The following DGLUCY variants were observed in gnomAD, a reference collection of about 807,000 sequenced individuals.
The protein encoded by DGLUCY is D-glutamate cyclase, also known as D-glutamate cyclase, mitochondrial.
DGLUCY carries 58 observed loss-of-function variants against 58.5 expected under a neutral mutation model. The observed-to-expected ratio is 0.99, with a 90% CI of 0.80 to 1.23. DGLUCY has a LOEUF of 1.23. Ranked by LOEUF, DGLUCY falls within the 50% of genes most tolerant of loss-of-function variation. DGLUCY has a pLI of 0.00. For synonymous variants in DGLUCY, 325 were observed against 314.1 expected (o/e 1.03, Z -0.37); for missense variants, 779 against 784.7 (o/e 0.99, Z 0.09).
At chr14:91,159,033 G>T (rs542020956) in intron 2 of DGLUCY, 1 of 139,306 alleles carries the variant, frequency 7.2e-6, no homozygotes, top group South Asian at 2.3e-4. Flanking sequence ...TTTTTGCCAT[G>T]TTGCCTGGGC....
chr14:91,182,849 A>G (rs1251934568), intron 8 of DGLUCY, among the ~76,000 whole-genome samples: 2 of 151,916 alleles, frequency 1.3e-5, no homozygotes, highest in South Asian at 2.1e-4. Context: ...CCTTCTGTAC[A>G]TGGGAGAGGG....
intron 1 of DGLUCY, among the ~76,000 whole-genome samples, chr14:91,072,437 A>G (rs1025587086): frequency 6.6e-6 from 1 of 152,116 alleles, no homozygotes; most frequent in African/African-American, 2.4e-5. Context: ...TATTTTAGGA[A>G]TTTTTGTGGT....
chr14:91,198,713 G>A (rs112581762), intron 10 of DGLUCY, among the ~76,000 whole-genome samples: 3 of 152,238 alleles, frequency 2.0e-5, no homozygotes, highest in Admixed American at 6.5e-5. Context: ...AATAATCACT[G>A]TAACCAACAC....
intron 1 of DGLUCY, among the ~76,000 whole-genome samples, chr14:91,065,406 T>C (rs2043803877): frequency 6.6e-6 from 1 of 152,162 alleles, no homozygotes; most frequent in South Asian, 2.1e-4. Context: ...GATAAGCTGC[T>C]AGCCTGGAAG....
At chr14:91,131,199 C>G (rs77206258) in intron 1 of DGLUCY, among the ~76,000 whole-genome samples, 2 of 152,166 alleles carry the variant, frequency 1.3e-5, no homozygotes, top group Non-Finnish European at 2.9e-5. Flanking sequence ...ATCTTCCTGT[C>G]TTGGCCTTCC....
chr14:91,200,088 G>A (rs1280031450), intron 11 of DGLUCY, among the ~76,000 whole-genome samples, 183 bp downstream of exon 11: 1 of 152,090 alleles, frequency 6.6e-6, no homozygotes, highest in African/African-American at 2.4e-5. Flanking sequence ...CCAAGTAGCT[G>A]GAATTACAGG....
intron 1 of DGLUCY, among the ~76,000 whole-genome samples, chr14:91,086,322 A>AC (rs2044219068): frequency 6.6e-6 from 1 of 151,840 alleles, no homozygotes; most frequent in Non-Finnish European, 1.5e-5. Context: ...ACCATCCCCG[A>AC]CCCCCTGCCT....
intron 1 of DGLUCY, among the ~76,000 whole-genome samples, chr14:91,142,244 G>A (rs2401980): frequency 0.12 from 17,608 of 152,124 alleles, 1,074 homozygotes; most frequent in Admixed American, 0.14. Context: ...GGTCTGAATT[G>A]CTACCCAAGG....
chr14:91,086,898 C>T (rs947504576), intron 1 of DGLUCY, among the ~76,000 whole-genome samples: 20 of 152,098 alleles, frequency 1.3e-4, no homozygotes, highest in African/African-American at 3.6e-4. Flanking sequence ...ACCACAGGTG[C>T]GCACCACCAC....
chr14:91,173,183 ACTC>A (rs1566982477), intron 5 of DGLUCY, 103 bp from the exon 6 acceptor site: 5 of 731,782 alleles, frequency 6.8e-6, no homozygotes, highest in African/African-American at 3.6e-5. Context: ...TATAACAGCT[ACTC>A]CTCCTTCATT....
intron 1 of DGLUCY, among the ~76,000 whole-genome samples, chr14:91,102,743 A>ACGTGTGTGTG (rs778918997): frequency 4.6e-5 from 6 of 130,586 alleles, no homozygotes; most frequent in Non-Finnish European, 8.1e-5. Context: ...TCCAGTGTGT[A>ACGTGTGTGTG]TGTGTGTGTG....
At chr14:91,134,908 C>T (rs188930304) in intron 1 of DGLUCY, among the ~76,000 whole-genome samples, 203 of 151,990 alleles carry the variant, frequency 1.3e-3, no homozygotes, top group African/African-American at 4.5e-3. Context: ...TTTCTTCCTT[C>T]CCAAGCCTTT....
intron 1 of DGLUCY, among the ~76,000 whole-genome samples, chr14:91,067,524 C>G (rs1595601853): frequency 2.0e-5 from 3 of 151,870 alleles, no homozygotes; most frequent in Admixed American, 6.6e-5. Context: ...TTCAAAAAGT[C>G]AAAAACTACA....
intron 1 of DGLUCY, among the ~76,000 whole-genome samples, chr14:91,078,874 A>ATTTT (rs200014801): frequency 2.2e-4 from 18 of 82,904 alleles, no homozygotes; most frequent in Admixed American, 5.7e-4. Flanking sequence ...TTTATTTTTA[A>ATTTT]TTTTTATTTA....
At chr14:91,111,464 G>A (rs949460593), upstream of DGLUCY, among the ~76,000 whole-genome samples, 3 of 151,970 alleles carry the variant, frequency 2.0e-5, no homozygotes, top group Non-Finnish European at 2.9e-5. Context: ...TGTATTTTTA[G>A]TAGAGACCTG....
chr14:91,075,311 T>C (rs1462084573), intron 1 of DGLUCY, among the ~76,000 whole-genome samples: 1 of 152,106 alleles, frequency 6.6e-6, no homozygotes, highest in Non-Finnish European at 1.5e-5. Context: ...GCCAATTGTC[T>C]TTTGTATTTA....
intron 1 of DGLUCY, chr14:91,128,712 T>C (rs940203548): frequency 2.0e-5 from 3 of 151,984 alleles, no homozygotes; most frequent in Admixed American, 6.6e-5. Flanking sequence ...CTGATTTTCA[T>C]GGAGCTCTAG....
At chr14:91,068,200 A>T (rs949013305) in intron 1 of DGLUCY, among the ~76,000 whole-genome samples, 4 of 152,140 alleles carry the variant, frequency 2.6e-5, no homozygotes, top group African/African-American at 9.7e-5. Context: ...GATGCACCAG[A>T]TACTACCTTT....
intron 1 of DGLUCY, chr14:91,091,135 C>G (rs902853554): frequency 2.6e-5 from 4 of 152,054 alleles, no homozygotes; most frequent in African/African-American, 7.2e-5. Flanking sequence ...ACTGAAAAGC[C>G]CCAAATAAAA....
Sources: gnomAD v4.1 joint callset for allele counts (sites outside exome capture counted in the v4.1 genomes callset) on GRCh38, gnomAD v4.1.1 for gene constraint, MANE v1.5 for transcripts, NCBI Gene and HGNC (gene_info 2026-07-23, HGNC 2026-07-21) for gene names.